Variants in LRP2 observed in about 807,000 individuals in gnomAD.
LRP2 encodes LDL receptor related protein 2.
In LRP2, 172 loss-of-function variants were observed where a neutral mutation model predicts 531.0. The observed-to-expected ratio is 0.32, with a 90% confidence interval of 0.29 to 0.37. LRP2 has a LOEUF of 0.37. LRP2 is among the 10% of genes least tolerant of loss of function. LRP2 has a pLI of 1.00. For synonymous variants in LRP2, 1,992 were observed against 2,027.6 expected (o/e 0.98, Z 0.47); for missense variants, 5,167 against 5,868.3 (o/e 0.88, Z 3.90).
In LRP2 at chr2:169,179,510, C is replaced by T. The variant is rs576029471; in HGVS notation, c.10170-1484G>A. On this transcript the variant is annotated intron_variant, in intron 52 of 78. Transcript: ENST00000649046. ...CAGAGGCAGGCAGATCACCTGAGGT[C>T]GGGAGTTCGAGACCAGCCTGACCAA... Among the ~76,000 whole-genome samples the T allele has an allele frequency of 2.6e-3, 396 of 152,094 alleles. 2 individuals are homozygous for T. Among genetic ancestry groups the T allele is most frequent in the Non-Finnish European group, 4.5e-3 (306 of 68,002 alleles).
intron 50 of LRP2, 46 bp downstream of exon 50, chr2:169,185,457 A>AT (rs746028420): frequency 1.9e-6 from 3 of 1,593,450 alleles, no homozygotes; most frequent in South Asian, 1.1e-5. Flanking sequence ...CATGGTTAGA[A>AT]TTTTTTAATT....
At chr2:169,244,058 A>G (rs1689914299) in intron 22 of LRP2, among the ~76,000 whole-genome samples, 3 of 152,232 alleles carry the variant, frequency 2.0e-5, no homozygotes, top group African/African-American at 7.2e-5. Context: ...TATATTAAAT[A>G]CACACTTATA....
intron 16 of LRP2, among the ~76,000 whole-genome samples, chr2:169,263,403 AAAAC>A (rs1439661867): frequency 2.6e-5 from 4 of 151,610 alleles, no homozygotes; most frequent in Admixed American, 6.6e-5. Context: ...TTACAAGAAA[AAAAC>A]AAACAACCCC....
At chr2:169,213,209 T>C (rs1688658926) in intron 36 of LRP2, among the ~76,000 whole-genome samples, 1 of 152,178 alleles carries the variant, frequency 6.6e-6, no homozygotes, top group Non-Finnish European at 1.5e-5. Flanking sequence ...AAAAATTCCA[T>C]CCCATTAGCA....
intron 1 of LRP2, among the ~76,000 whole-genome samples, chr2:169,326,967 A>C (rs1415807795): frequency 2.6e-4 from 32 of 122,458 alleles, no homozygotes; most frequent in Non-Finnish European, 4.6e-4. Context: ...AAGTGAGGAG[A>C]CCCTCCACCC....
At chr2:169,281,274 T>C (rs1412122049) in intron 10 of LRP2, among the ~76,000 whole-genome samples, 1 of 151,972 alleles carries the variant, frequency 6.6e-6, no homozygotes, top group Non-Finnish European at 1.5e-5. Context: ...ATACAAAAAT[T>C]AGCTGGGCAT....
At chr2:169,196,076 C>T (rs62172606) in intron 46 of LRP2, among the ~76,000 whole-genome samples, 4,834 of 152,142 alleles carry the variant, frequency 0.032, 123 homozygotes, top group South Asian at 0.095. Flanking sequence ...CATTAAAAGG[C>T]AGTATGAAGA....
chr2:169,209,485 C>G lies in LRP2; in HGVS notation c.6437G>C (p.Gly2146Ala). 2 of 1,614,166 alleles carry G rather than the reference C, an allele frequency of 1.2e-6. No individual in the cohort carries two copies. Among genetic ancestry groups the G allele is most frequent in the Non-Finnish European group, 1.7e-6 (2 of 1,180,002 alleles). Residue 2146 changes from glycine to alanine, a missense_variant, in exon 38 of 79, where the codon GGA becomes GCA. Gly to Ala is a moderately conservative substitution (Grantham distance 60). Transcript: ENST00000649046. ...NIVTHGIGENGVRGIAVDWVA... is the reference protein window; with the variant it reads ...NIVTHGIGENAVRGIAVDWVA... ...CCAATCCACTGCAATACCCCGGACT[C>G]CATTTTCTCCTATTCCATGTGTCAC...
At chr2:169,161,474 GT>G (rs1360963821) in intron 63 of LRP2, among the ~76,000 whole-genome samples, 2 of 151,952 alleles carry the variant, frequency 1.3e-5, no homozygotes, top group Admixed American at 1.3e-4. Context: ...TTGTTTGATT[GT>G]TTGTTTGTTT....
rs532751508 is a variant in LRP2, at chr2:169,191,312, T to C, written c.9032+520A>G. Among the ~76,000 whole-genome samples, 6 of 152,292 alleles carry C rather than the reference T, an allele frequency of 3.9e-5. No homozygotes were observed. In the South Asian group the frequency reaches 1.0e-3, roughly 26 times the overall value. On this transcript the variant is annotated intron_variant, in intron 48 of 78. Transcript: ENST00000649046. ...ATCATCATGCTTGTGCTGTTATTTT[T>C]CTTGTAGTAGAGAGAAGAGAGTGAA...
At chr2:169,348,906 A>G (rs1011136018) in intron 1 of LRP2, among the ~76,000 whole-genome samples, 1 of 152,160 alleles carries the variant, frequency 6.6e-6, no homozygotes, top group African/African-American at 2.4e-5. Flanking sequence ...CTTTTTCTCC[A>G]TCAGGACCTT....
intron 16 of LRP2, among the ~76,000 whole-genome samples, chr2:169,268,206 G>A (rs1224226614): frequency 1.3e-5 from 2 of 152,110 alleles, no homozygotes; most frequent in Non-Finnish European, 2.9e-5. Context: ...CATTCCTTCT[G>A]AAACTATTCC....
intron 3 of LRP2, among the ~76,000 whole-genome samples, chr2:169,311,583 G>T (rs1684599707): frequency 1.3e-5 from 2 of 152,134 alleles, no homozygotes. Context: ...TATAATTTCT[G>T]TCCTTTTACA....
intron 16 of LRP2, among the ~76,000 whole-genome samples, 173 bp from the exon 17 acceptor site, chr2:169,259,390 C>T (rs1038610841): frequency 3.4e-5 from 5 of 147,280 alleles, no homozygotes; most frequent in Non-Finnish European, 6.0e-5. Context: ...TGAGCAATAA[C>T]ATGAGACAAA....
At chr2:169,259,745 CAA>C (rs5836225) in intron 16 of LRP2, among the ~76,000 whole-genome samples, 94,138 of 150,674 alleles carry the variant, frequency 0.62, 29,629 homozygotes, top group Non-Finnish European at 0.67. Flanking sequence ...ACAACAACAA[CAA>C]AAAAAAAAAA....
chr2:169,348,269 T>G (rs1685749133), intron 1 of LRP2, among the ~76,000 whole-genome samples: 1 of 152,240 alleles, frequency 6.6e-6, no homozygotes, highest in South Asian at 2.1e-4. Context: ...ATCATTCTCC[T>G]GCCTCCAACC....
intron 9 of LRP2, 46 bp downstream of exon 9, chr2:169,288,980 G>A (rs1319379274): frequency 1.9e-6 from 3 of 1,611,830 alleles, no homozygotes; most frequent in Middle Eastern, 1.8e-4. Context: ...GCACCCATCA[G>A]TGTACTGTAA....
Position 169,176,536 on chromosome 2 carries a change from G to A in LRP2, c.10446C>T (p.Ile3482=). The part of the protein sequence containing the change: ...NNGGCSHLCL[I]KPGGKGFTCE... Reference sequence around the variant, plus strand: ...AAGTGAACCCTTTTCCTCCTGGCTTGATGAGGCAGAGATGAGAACAGCCAC... The same window carrying A: ...AAGTGAACCCTTTTCCTCCTGGCTTAATGAGGCAGAGATGAGAACAGCCAC... Residue 3482 remains isoleucine, a synonymous_variant, in exon 54 of 79, where the codon ATC becomes ATT. Coordinates refer to ENST00000649046, the MANE Select transcript of LRP2 (RefSeq NM_004525.3). The A allele has an allele frequency of 6.2e-7, 1 of 1,614,208 alleles. No homozygotes were observed. The highest frequency in any genetic ancestry group is 1.1e-5 in the South Asian group (1 of 91,088).
intron 63 of LRP2, among the ~76,000 whole-genome samples, chr2:169,161,868 T>C (rs894650953): frequency 6.6e-6 from 1 of 152,188 alleles, no homozygotes; most frequent in Non-Finnish European, 1.5e-5. Context: ...GATTTTCAGG[T>C]ACCAAGGATA....
Sources: allele counts gnomAD v4.1 joint callset (sites outside exome capture counted in the v4.1 genomes callset), GRCh38; gene constraint gnomAD v4.1.1; transcripts MANE v1.5; gene names NCBI Gene and HGNC (gene_info 2026-07-23, HGNC 2026-07-21).